The following PDE3B variants were observed in gnomAD, a reference collection of about 807,000 sequenced individuals.
PDE3B encodes the protein phosphodiesterase 3B, also known as cGMP-inhibited 3',5'-cyclic phosphodiesterase 3B.
A neutral mutation model predicts 116.8 loss-of-function variants in PDE3B; 66 were observed. The ratio of observed to expected loss-of-function variants is 0.56; its 90% CI spans 0.46 to 0.69. PDE3B has a LOEUF of 0.69. Among genes scored for constraint, PDE3B ranks in the 30% least tolerant of loss-of-function variants. The pLI, the probability that PDE3B is intolerant of heterozygous loss-of-function variation, is 0.00. For synonymous variants in PDE3B, 595 were observed against 533.6 expected, an observed-to-expected ratio of 1.12 and a Z score of -1.59; for missense variants, 1,384 against 1,368.1, an observed-to-expected ratio of 1.01 and a Z score of -0.18.
chr11:14,891,610 C>G, the PDE3B span: 1 of 1,066,076 alleles, frequency 9.4e-7, no homozygotes, highest in Non-Finnish European at 1.1e-6. Flanking sequence ...GCGAGGCCGA[C>G]TCGCAAGACG....
At chr11:14,841,845 A>AC (rs991983232) in intron 11 of PDE3B, among the ~76,000 whole-genome samples, 2 of 148,712 alleles carry the variant, frequency 1.3e-5, no homozygotes, top group African/African-American at 5.0e-5. Flanking sequence ...TGTTTTGATT[A>AC]CTATCGCTTT....
intron 1 of PDE3B, among the ~76,000 whole-genome samples, chr11:14,649,179 C>T (rs1259345551): frequency 1.3e-5 from 2 of 152,118 alleles, no homozygotes; most frequent in African/African-American, 4.8e-5. Context: ...GTGGCAGGCC[C>T]TTCTCTCATT....
At chr11:14,811,960 A>T (rs1206879916) in intron 5 of PDE3B, among the ~76,000 whole-genome samples, 3 of 152,134 alleles carry the variant, frequency 2.0e-5, no homozygotes, top group African/African-American at 4.8e-5. Flanking sequence ...ATTGGTGTAT[A>T]AGAATGCTTG....
chr11:14,815,314 G>T (rs147608129), intron 5 of PDE3B, among the ~76,000 whole-genome samples: 3 of 152,270 alleles, frequency 2.0e-5, no homozygotes, highest in African/African-American at 7.2e-5. Flanking sequence ...ACACACAGCT[G>T]AGTCCTCTGC....
At chr11:14,898,621 C>T in the PDE3B span, among the ~76,000 whole-genome samples, 2 of 152,114 alleles carry the variant, frequency 1.3e-5, no homozygotes, top group Admixed American at 1.3e-4. Context: ...CCTGAGAGGA[C>T]AAATGACTCA....
intron 5 of PDE3B, among the ~76,000 whole-genome samples, chr11:14,806,945 T>G (rs560410931): frequency 6.6e-6 from 1 of 150,516 alleles, no homozygotes; most frequent in South Asian, 2.1e-4. Flanking sequence ...AAAGGATGAG[T>G]TCATGTCCTT....
chr11:14,645,160 GA>G, intron 1 of PDE3B, 107 bp downstream of exon 1: 2 of 226,250 alleles, frequency 8.8e-6, no homozygotes, highest in Non-Finnish European at 1.5e-5. Flanking sequence ...TTTCAGAATG[GA>G]AAAAGGGTGT....
chr11:14,723,880 T>TGAG, intron 1 of PDE3B, among the ~76,000 whole-genome samples: 1 of 151,984 alleles, frequency 6.6e-6, no homozygotes, highest in East Asian at 1.9e-4. Flanking sequence ...AAGAGTGGTG[T>TGAG]GAGATTAGGC....
chr11:14,646,935 A>G (rs1390371708), intron 1 of PDE3B, among the ~76,000 whole-genome samples: 1 of 152,082 alleles, frequency 6.6e-6, no homozygotes, highest in African/African-American at 2.4e-5. Flanking sequence ...CTTAAAGTAT[A>G]TGTGAATAGT....
intron 12 of PDE3B, among the ~76,000 whole-genome samples, chr11:14,849,907 A>G (rs375222810): frequency 1.3e-5 from 2 of 151,844 alleles, no homozygotes; most frequent in Non-Finnish European, 2.9e-5. Flanking sequence ...AAACTAGTTC[A>G]ACCATTGTGG....
chr11:14,678,265 T>C (rs1207022277), intron 1 of PDE3B, among the ~76,000 whole-genome samples: 1 of 152,168 alleles, frequency 6.6e-6, no homozygotes, highest in Non-Finnish European at 1.5e-5. Context: ...GTTTTTTTTT[T>C]CTAGTTGTGT....
chr11:14,875,401 A>C (rs1451683108), downstream of PDE3B, among the ~76,000 whole-genome samples: 1 of 152,004 alleles, frequency 6.6e-6, no homozygotes, highest in African/African-American at 2.4e-5. Context: ...CCTATCCTTA[A>C]TGGTTATTTC....
chr11:14,762,596 A>C (rs1857392190), intron 1 of PDE3B, among the ~76,000 whole-genome samples: 1 of 152,142 alleles, frequency 6.6e-6, no homozygotes, highest in Non-Finnish European at 1.5e-5. Context: ...CAAAGAAGTG[A>C]CATTATGTGA....
At chr11:14,812,567 G>A (rs931784186) in intron 5 of PDE3B, among the ~76,000 whole-genome samples, 1 of 152,134 alleles carries the variant, frequency 6.6e-6, no homozygotes, top group African/African-American at 2.4e-5. Context: ...TCACAGCAAA[G>A]TAAACCAAAA....
intron 10 of PDE3B, among the ~76,000 whole-genome samples, 168 bp downstream of exon 10, chr11:14,833,001 AGTGCAATGGC>A (rs1859942935): frequency 6.6e-6 from 1 of 150,422 alleles, no homozygotes; most frequent in Admixed American, 6.6e-5. Flanking sequence ...TCCAGGCTGG[AGTGCAATGGC>A]GCGATCTTGG....
At chr11:14,651,355 A>G (rs1254396058) in intron 1 of PDE3B, among the ~76,000 whole-genome samples, 1 of 152,202 alleles carries the variant, frequency 6.6e-6, no homozygotes, top group East Asian at 1.9e-4. Flanking sequence ...TTATCCCCGT[A>G]GAGACCTTAT....
chr11:14,787,345 A>G (rs1486899309), intron 3 of PDE3B, among the ~76,000 whole-genome samples: 4 of 152,014 alleles, frequency 2.6e-5, no homozygotes, highest in Non-Finnish European at 1.5e-5. Flanking sequence ...GCCAATAGCT[A>G]AAATCATAAA....
the PDE3B span, among the ~76,000 whole-genome samples, chr11:14,888,047 A>C: frequency 6.6e-6 from 1 of 152,274 alleles, no homozygotes; most frequent in East Asian, 1.9e-4. Flanking sequence ...TGATATTCCT[A>C]TAGCTTGCTC....
chr11:14,850,968 A>G (rs955573073), intron 12 of PDE3B, among the ~76,000 whole-genome samples: 1 of 146,350 alleles, frequency 6.8e-6, no homozygotes, highest in Admixed American at 6.8e-5. Flanking sequence ...AGCTGGGACT[A>G]CCACACCCAG....
Sources: allele counts gnomAD v4.1 joint callset (sites outside exome capture counted in the v4.1 genomes callset), GRCh38; gene constraint gnomAD v4.1.1; transcripts MANE v1.5; gene names NCBI Gene and HGNC (gene_info 2026-07-23, HGNC 2026-07-21).